NIPBL: variants seen among roughly 807,000 people sequenced by gnomAD.
The protein encoded by NIPBL is NIPBL cohesin loading factor, also known as nipped-B-like protein.
NIPBL carries 19 observed loss-of-function variants against 321.8 expected under a neutral mutation model. The observed-to-expected ratio is 0.06, with a 90% CI of 0.04 to 0.09. NIPBL has a LOEUF of 0.09. Among genes scored for constraint, NIPBL ranks in the 10% least tolerant of loss-of-function variants. The pLI is 1.00. For missense variants in NIPBL, 2,210 were observed against 3,327.0 expected, an observed-to-expected ratio of 0.66 and a Z score of 8.26; for synonymous variants, 1,106 against 1,114.1, an observed-to-expected ratio of 0.99 and a Z score of 0.14.
At position 36,961,528 on chromosome 5, in the gene NIPBL, A is replaced by G. The variant is rs758194241; in HGVS notation, c.403A>G (p.Ser135Gly). ...QYKLSQNSMHSSPASSNYQQT... is the reference protein window; with the variant it reads ...QYKLSQNSMHGSPASSNYQQT... The stretch of plus-strand genomic sequence containing the variant: ...TAAACTTTCTCAGAATTCCATGCAC[A>G]GTAGTCCTGCATCTTCCAATTATCA... Residue 135 changes from serine (S) to glycine (G), a missense_variant, in exon 5 of 47, where the codon AGT (serine) becomes GGT (glycine). Coordinates refer to ENST00000282516, the MANE Select transcript of NIPBL (RefSeq NM_133433.4). 2.5e-6 allele frequency: 4 copies of G among 1,612,482 alleles called. No homozygotes were observed. The highest frequency in any genetic ancestry group is 3.3e-5 in the Admixed American group (2 of 60,008).
intron 1 of NIPBL, among the ~76,000 whole-genome samples, chr5:36,926,134 C>A (rs928392871): frequency 4.6e-5 from 7 of 152,136 alleles, no homozygotes; most frequent in African/African-American, 1.7e-4. Context: ...CACTTTTGAA[C>A]ACTGTAAATG....
chr5:36,944,538 G>A (rs1208864112), intron 1 of NIPBL, among the ~76,000 whole-genome samples: 1 of 151,942 alleles, frequency 6.6e-6, no homozygotes, highest in Non-Finnish European at 1.5e-5. Context: ...AACCAAAATG[G>A]CAAAGACTAT....
In NIPBL at chr5:36,985,007, A is replaced by C. The variant is rs1363714083; in HGVS notation, c.1827A>C (p.Ser609=). The C allele has an allele frequency of 6.2e-7, 1 of 1,613,822 alleles. No individual in the cohort carries two copies. The highest frequency in any genetic ancestry group is 1.7e-5 in the Admixed American group (1 of 59,864). Reference sequence around the variant, plus strand: ...AAAAAAAGTCTGATCCTGAGCTTTCAAAGAGTGAAATGAAACAAAGTGAAA... The same window carrying C: ...AAAAAAAGTCTGATCCTGAGCTTTCCAAGAGTGAAATGAAACAAAGTGAAA... ...TPKKKSDPEL[S]KSEMKQSESR... The change falls in exon 10 of 47, where the codon TCA becomes TCC. Residue 609 remains serine (S), a synonymous_variant. Transcript: ENST00000282516.
chr5:36,937,995 A>G (rs1321234237), intron 1 of NIPBL, among the ~76,000 whole-genome samples: 4 of 152,152 alleles, frequency 2.6e-5, no homozygotes, highest in South Asian at 4.1e-4. Context: ...AATAGATTGC[A>G]TTAATAGCAC....
intron 36 of NIPBL, 98 bp from the exon 37 acceptor site, chr5:37,045,345 C>G (rs1752863727): frequency 2.2e-6 from 2 of 920,450 alleles, no homozygotes; most frequent in African/African-American, 1.7e-5. Context: ...CAGTGAGACT[C>G]CATCTCAAAA....
intron 4 of NIPBL, among the ~76,000 whole-genome samples, chr5:36,960,922 T>C (rs762319576): frequency 6.6e-6 from 1 of 152,046 alleles, no homozygotes; most frequent in Non-Finnish European, 1.5e-5. Context: ...TGACAAAGAG[T>C]TATTGTGAAA....
At chr5:37,018,714 A>G (rs56261529) in intron 24 of NIPBL, among the ~76,000 whole-genome samples, 24,741 of 152,202 alleles carry the variant, frequency 0.16, 2,457 homozygotes, top group East Asian at 0.31. Flanking sequence ...ATGGCTCTCA[A>G]CACATATTTC....
At chr5:36,950,082 T>C (rs1740101420) in intron 1 of NIPBL, among the ~76,000 whole-genome samples, 1 of 152,076 alleles carries the variant, frequency 6.6e-6, no homozygotes, top group Non-Finnish European at 1.5e-5. Flanking sequence ...TTAAATTTTT[T>C]TCTGCTTTCT....
In NIPBL at chr5:36,954,535, TTTTATTATCACTTTGTTGTAGG is replaced by T. The variant is rs1277262258; in HGVS notation, c.64+777_64+798del. 1.2e-4 allele frequency among the ~76,000 whole-genome samples: 18 copies of T among 152,296 alleles called. No individual in the cohort carries two copies. The East Asian group carries it at 3.3e-3, about 28-fold the overall frequency. Reference sequence around the variant, plus strand: ...AAAACTTTTTGAAACTGGCATTAGTTTTTATTATCACTTTGTTGTAGGTAAGGCATAAATAGGAGTTCAAAAT... The same window carrying T: ...AAAACTTTTTGAAACTGGCATTAGTTTAAGGCATAAATAGGAGTTCAAAAT... On this transcript the variant is annotated intron_variant, in intron 2 of 46. Transcript: ENST00000282516.
chr5:36,993,736 A>C (rs755518173), intron 10 of NIPBL, among the ~76,000 whole-genome samples: 12 of 152,116 alleles, frequency 7.9e-5, no homozygotes, highest in Non-Finnish European at 1.2e-4. Context: ...AAACCTATGA[A>C]GATTATAATG....
At position 36,952,604 on chromosome 5, in the gene NIPBL, A is replaced by G. The variant is rs550297009; in HGVS notation, c.-79-1014A>G. Among the ~76,000 whole-genome samples the G allele has an allele frequency of 5.3e-5, 8 of 152,352 alleles. 1 individual carries two copies. The South Asian group carries it at 1.7e-3, about 32-fold the overall frequency. On this transcript the variant is annotated intron_variant, in intron 1 of 46. Coordinates refer to ENST00000282516, the MANE Select transcript of NIPBL (RefSeq NM_133433.4). ...TTGGGGGCTTGGAACAGAATAACAA[A>G]GTGTTCAGTTTTACAGAATGTCTTC...
At chr5:37,045,286 G>A (rs753764502) in intron 36 of NIPBL, among the ~76,000 whole-genome samples, 157 bp from the exon 37 acceptor site, 3 of 152,036 alleles carry the variant, frequency 2.0e-5, no homozygotes, top group African/African-American at 4.8e-5. Context: ...CACGGGAGGC[G>A]GAGGTTGCAG....
At chr5:36,961,450 A>G in intron 4 of NIPBL, 34 bp from the exon 5 acceptor site, 1 of 1,229,108 alleles carries the variant, frequency 8.1e-7, no homozygotes, top group Non-Finnish European at 1.2e-6. Flanking sequence ...CTGTTAGAAG[A>G]AAATAACGTT....
At position 37,022,378 on chromosome 5, in the gene NIPBL, T is replaced by C; in HGVS notation, c.5562T>C (p.Ile1854=). ...CTGAACAGTATTATGATATGCTGATTGAAAGAATATTGGTATGTTTGTCAT... is the reference window on the plus strand; with the variant it reads ...CTGAACAGTATTATGATATGCTGATCGAAAGAATATTGGTATGTTTGTCAT... The part of the protein sequence containing the change: ...QLAEQYYDML[I]ERILDTGISV... The change falls in exon 29 of 47, where the codon ATT becomes ATC. Residue 1854 remains isoleucine (I), a synonymous_variant. Coordinates refer to ENST00000282516, the MANE Select transcript of NIPBL (RefSeq NM_133433.4). 1 of 1,606,582 alleles carries C rather than the reference T, an allele frequency of 6.2e-7. No homozygotes were observed. Among genetic ancestry groups the C allele is most frequent in the Non-Finnish European group, 8.5e-7 (1 of 1,174,512 alleles).
intron 1 of NIPBL, among the ~76,000 whole-genome samples, chr5:36,897,344 A>G (rs1433072962): frequency 1.3e-5 from 2 of 152,124 alleles, no homozygotes; most frequent in South Asian, 2.1e-4. Context: ...GTTCACTGCT[A>G]GGGTATGGAA....
At chr5:36,990,337 C>G (rs963364221) in intron 10 of NIPBL, among the ~76,000 whole-genome samples, 1 of 152,078 alleles carries the variant, frequency 6.6e-6, no homozygotes, top group Admixed American at 6.5e-5. Flanking sequence ...TAGCACTGAA[C>G]CAGTCTAGTT....
chr5:36,995,822 CTT>C lies in NIPBL; in HGVS notation c.3304+20_3304+21del. On this transcript the variant is annotated intron_variant, in intron 11 of 46. Transcript: ENST00000282516. Reference sequence around the variant, plus strand: ...TTTTGAATGTAAGTATCACAGAACTCTTTGTTATTATTTTAGAGTTTAAAAGC... The same window carrying C: ...TTTTGAATGTAAGTATCACAGAACTCTGTTATTATTTTAGAGTTTAAAAGC... 2 of 1,598,462 alleles carry C rather than the reference CTT, an allele frequency of 1.3e-6. No individual in the cohort carries two copies. Among genetic ancestry groups the C allele is most frequent in the Admixed American group, 1.7e-5 (1 of 59,840 alleles).
intron 31 of NIPBL, among the ~76,000 whole-genome samples, chr5:37,026,913 C>CAA (rs778655592): frequency 1.7e-5 from 2 of 116,864 alleles, no homozygotes; most frequent in Non-Finnish European, 3.6e-5. Flanking sequence ...GATCCCTTCT[C>CAA]AAAAAAAAAA....
chr5:36,958,000 AAT>A lies in NIPBL; in HGVS notation c.231-103_231-102del, dbSNP rs1183253097. Reference sequence around the variant, plus strand: ...CTTCGTCTCAAAAAAAAAAAAAAAAAATTCATATTGTTGGCCATACCAGTGTG... The same window carrying A: ...CTTCGTCTCAAAAAAAAAAAAAAAAATCATATTGTTGGCCATACCAGTGTG... On this transcript the variant is annotated intron_variant, in intron 3 of 46. Transcript: ENST00000282516. 13 of 1,058,772 alleles carry A rather than the reference AAT, an allele frequency of 1.2e-5. No homozygotes were observed. In the African/African-American group the frequency reaches 1.9e-4, roughly 15 times the overall value. 65.6% of individuals were successfully genotyped at this position (1,058,772 alleles called of 1,614,324 possible). A position where few individuals can be genotyped will look rare whatever the true frequency, so the allele number is the denominator to read the frequency against.
Sources: gnomAD v4.1 joint callset for allele counts (sites outside exome capture counted in the v4.1 genomes callset) on GRCh38, gnomAD v4.1.1 for gene constraint, MANE v1.5 for transcripts, NCBI Gene and HGNC (gene_info 2026-07-23, HGNC 2026-07-21) for gene names.